AHI1: variants seen among roughly 807,000 people sequenced by gnomAD.
AHI1 encodes the protein jouberin.
In AHI1, 123 loss-of-function variants were observed where a neutral mutation model predicts 149.3. That is an observed-to-expected ratio of 0.82 (90% confidence interval 0.71 to 0.96). The LOEUF (loss-of-function observed/expected upper bound fraction) is 0.96. AHI1 is among the 40% of genes least tolerant of loss of function. The pLI is 0.00. For synonymous variants in AHI1, 475 were observed against 459.8 expected (o/e 1.03, Z -0.42); for missense variants, 1,439 against 1,422.7 (o/e 1.01, Z -0.18).
At chr6:135,483,590 AC>A (rs1233941037) in intron 5 of AHI1, among the ~76,000 whole-genome samples, 1 of 152,240 alleles carries the variant, frequency 6.6e-6, no homozygotes, top group African/African-American at 2.4e-5. Context: ...AATTATAGCT[AC>A]AATTTGAGTG....
intron 20 of AHI1, among the ~76,000 whole-genome samples, chr6:135,420,737 T>C (rs1783033055): frequency 6.6e-6 from 1 of 152,188 alleles, no homozygotes; most frequent in South Asian, 2.1e-4. Flanking sequence ...TTTCATCTTT[T>C]ATCCAGATCA....
chr6:135,309,842 G>A (rs938320592), intron 26 of AHI1, among the ~76,000 whole-genome samples: 21 of 152,022 alleles, frequency 1.4e-4, no homozygotes, highest in African/African-American at 5.1e-4. Flanking sequence ...CACTATCCTT[G>A]ATATATACAA....
chr6:135,354,167 T>C (rs1562562490), intron 24 of AHI1, among the ~76,000 whole-genome samples: 1 of 152,248 alleles, frequency 6.6e-6, no homozygotes, highest in East Asian at 1.9e-4. Context: ...AGAAGCTTTG[T>C]TCTCTCTACC....
At chr6:135,391,468 C>T (rs1391356273) in intron 23 of AHI1, among the ~76,000 whole-genome samples, 1 of 152,158 alleles carries the variant, frequency 6.6e-6, no homozygotes, top group African/African-American at 2.4e-5. Context: ...ACTGATCTGA[C>T]AGGAGGCGGA....
At chr6:135,365,679 C>G (rs576616106) in intron 23 of AHI1, among the ~76,000 whole-genome samples, 7 of 152,284 alleles carry the variant, frequency 4.6e-5, no homozygotes, top group South Asian at 4.1e-4. Context: ...AGAAACTCTA[C>G]TGAATTAATT....
intron 20 of AHI1, among the ~76,000 whole-genome samples, chr6:135,421,224 G>T (rs1247287734): frequency 2.6e-5 from 4 of 152,110 alleles, no homozygotes; most frequent in African/African-American, 7.2e-5. Flanking sequence ...TAATGAAAAG[G>T]TTTGAAATAT....
At chr6:135,371,955 G>A (rs1312464439) in intron 23 of AHI1, among the ~76,000 whole-genome samples, 1 of 152,156 alleles carries the variant, frequency 6.6e-6, no homozygotes, top group Non-Finnish European at 1.5e-5. Context: ...AAATCCCCTT[G>A]GAAATGGGCA....
chr6:135,366,401 G>A (rs140152399), intron 23 of AHI1, among the ~76,000 whole-genome samples: 5 of 152,126 alleles, frequency 3.3e-5, no homozygotes, highest in African/African-American at 1.2e-4. Flanking sequence ...ATTCAGCTGT[G>A]AATCCATCTA....
At position 135,430,019 on chromosome 6, in the gene AHI1, A is replaced by C. The variant is rs1385278046; in HGVS notation, c.2374-19T>G. 1.5e-6 allele frequency: 2 copies of C among 1,344,662 alleles called. No individual in the cohort carries two copies. Among genetic ancestry groups the C allele is most frequent in the African/African-American group, 2.9e-5 (2 of 67,852 alleles). 83.3% of individuals were successfully genotyped at this position (1,344,662 alleles called of 1,614,324 possible). A position where few individuals can be genotyped will look rare whatever the true frequency, so the allele number is the denominator to read the frequency against. ...TAATTTCCTAAAATGATTAAAAAAA[A>C]TACTACTACTGAAAAGTTTGTCTAA... On this transcript the variant is annotated intron_variant, in intron 17 of 28. Coordinates refer to ENST00000265602, the MANE Select transcript of AHI1 (RefSeq NM_001134831.2).
chr6:135,406,323 G>A (rs770032529), intron 21 of AHI1, among the ~76,000 whole-genome samples: 7 of 152,126 alleles, frequency 4.6e-5, no homozygotes, highest in Admixed American at 6.5e-5. Flanking sequence ...TATCTAAAGC[G>A]TATCAGTAAT....
At chr6:135,359,792 C>A (rs562140296) in intron 23 of AHI1, among the ~76,000 whole-genome samples, 2 of 151,954 alleles carry the variant, frequency 1.3e-5, no homozygotes, top group South Asian at 2.1e-4. Context: ...AAATTCTTAT[C>A]TAAACAGAAA....
rs376848097 is a variant in AHI1 at position 135,442,601 on chromosome 6, C to T, written c.1893G>A (p.Arg631=). 4.2e-5 allele frequency: 68 copies of T among 1,608,818 alleles called. No homozygotes were observed. In the African/African-American group the frequency reaches 8.4e-4, roughly 20 times the overall value. ...GRILAAACAS[R]DGYPIILYEI... is the part of the protein sequence containing the mutation. The stretch of plus-strand genomic sequence containing the variant: ...ACTCACAAATAATTGGATATCCATC[C>T]CGGCTGGCACAAGCTGCTGCTAATA... The change falls in exon 14 of 29, where the codon CGG becomes CGA. Residue 631 remains arginine, a synonymous_variant. Coordinates refer to ENST00000265602, the MANE Select transcript of AHI1 (RefSeq NM_001134831.2).
Position 135,436,285 on chromosome 6 carries a change from AAAGAG to A in AHI1, c.2036+2085_2036+2089del, listed in dbSNP as rs1378765214. ...TGGATAGAACTGGTCAGAGTAATAA[AAAGAG>A]AAGAGAAGAGGTTGTCAATGAAAAC... On this transcript the variant is annotated intron_variant, in intron 15 of 28. Coordinates refer to ENST00000265602, the MANE Select transcript of AHI1 (RefSeq NM_001134831.2). 5.3e-5 allele frequency among the ~76,000 whole-genome samples: 8 copies of A among 152,288 alleles called. No individual in the cohort carries two copies. In the South Asian group the frequency reaches 1.2e-3, roughly 24 times the overall value.
rs2128070972 is a variant in AHI1 at position 135,453,347 on chromosome 6, A to G, written c.1434T>C (p.Phe478=). ...AAATGGATGAAAAACATACCTTAAG[A>G]AATGCCCAGGCAATTTTCCGAAAGC... ...ECGFRKIAWA[F]LKLLGANGNA... The change falls in exon 11 of 29, where the codon TTT becomes TTC. Residue 478 remains phenylalanine (F), a synonymous_variant. Coordinates refer to ENST00000265602, the MANE Select transcript of AHI1 (RefSeq NM_001134831.2). 3.2e-6 allele frequency: 5 copies of G among 1,558,054 alleles called. No individual in the cohort carries two copies. The East Asian group carries it at 1.2e-4, about 37-fold the overall frequency.
At chr6:135,308,173 C>T (rs1007307549) in intron 26 of AHI1, among the ~76,000 whole-genome samples, 10 of 152,178 alleles carry the variant, frequency 6.6e-5, no homozygotes, top group African/African-American at 2.4e-4. Context: ...CTCTCAATAA[C>T]ATCTTTCACA....
chr6:135,301,198 C>A, intron 26 of AHI1: 2 of 983,134 alleles, frequency 2.0e-6, no homozygotes, highest in Non-Finnish European at 2.4e-6. Flanking sequence ...TATAAATCAA[C>A]CTAATGTTGC....
At chr6:135,422,971 G>A (rs1247353132) in intron 20 of AHI1, among the ~76,000 whole-genome samples, 1 of 152,070 alleles carries the variant, frequency 6.6e-6, no homozygotes, top group African/African-American at 2.4e-5. Context: ...AAGTGCCTAA[G>A]ACAGATAGCT....
At chr6:135,449,944 T>C (rs982719694) in intron 11 of AHI1, among the ~76,000 whole-genome samples, 2 of 152,202 alleles carry the variant, frequency 1.3e-5, no homozygotes, top group East Asian at 3.8e-4. Context: ...AGTGGACAGA[T>C]GGTGGTACCA....
At chr6:135,479,262 G>C (rs1384591748) in intron 5 of AHI1, among the ~76,000 whole-genome samples, 1 of 152,212 alleles carries the variant, frequency 6.6e-6, no homozygotes, top group African/African-American at 2.4e-5. Context: ...TGTAGATCCA[G>C]ATAGTTTGCA....
Sources: gnomAD v4.1 joint callset for allele counts (sites outside exome capture counted in the v4.1 genomes callset) on GRCh38, gnomAD v4.1.1 for gene constraint, MANE v1.5 for transcripts, NCBI Gene and HGNC (gene_info 2026-07-23, HGNC 2026-07-21) for gene names.